Variants in MACROD2 observed in about 807,000 individuals in gnomAD.
The protein encoded by MACROD2 is ADP-ribose glycohydrolase MACROD2.
MACROD2 carries 36 observed loss-of-function variants against 70.4 expected under a neutral mutation model. The observed-to-expected ratio is 0.51, with a 90% CI of 0.39 to 0.68. MACROD2 has a LOEUF of 0.68. Among genes scored for constraint, MACROD2 ranks in the 30% least tolerant of loss-of-function variants. The pLI is 0.00. For missense variants in MACROD2, 496 were observed against 538.4 expected, an observed-to-expected ratio of 0.92 and a Z score of 0.78; for synonymous variants, 172 against 178.8, an observed-to-expected ratio of 0.96 and a Z score of 0.30.
At chr20:14,373,690 A>G (rs993910558) in intron 3 of MACROD2, among the ~76,000 whole-genome samples, 1 of 152,240 alleles carries the variant, frequency 6.6e-6, no homozygotes, top group Admixed American at 6.6e-5. Flanking sequence ...GCATCATTAG[A>G]AAATCTTGAA....
chr20:14,307,395 AT>A (rs1360832465), intron 3 of MACROD2, among the ~76,000 whole-genome samples: 3 of 151,858 alleles, frequency 2.0e-5, no homozygotes, highest in African/African-American at 4.8e-5. Flanking sequence ...AACTTTTGAA[AT>A]TTTTTTTACT....
intron 17 of MACROD2, among the ~76,000 whole-genome samples, chr20:16,048,565 G>T (rs530461634): frequency 6.6e-6 from 1 of 152,068 alleles, no homozygotes; most frequent in South Asian, 2.1e-4. Context: ...ACTTAATTTG[G>T]ACTGAGATTA....
intron 13 of MACROD2, among the ~76,000 whole-genome samples, chr20:15,970,576 G>A (rs1222301108): frequency 7.9e-5 from 12 of 152,116 alleles, no homozygotes; most frequent in African/African-American, 2.9e-4. Context: ...CTGTGGTACA[G>A]AGAGGAGGAA....
chr20:15,796,111 G>A (rs1360781727), intron 8 of MACROD2, among the ~76,000 whole-genome samples: 6 of 152,196 alleles, frequency 3.9e-5, no homozygotes, highest in Admixed American at 3.9e-4. Flanking sequence ...AGCAATTTGG[G>A]ATAGCAGAAA....
intron 3 of MACROD2, among the ~76,000 whole-genome samples, chr20:14,383,196 T>A (rs1215893578): frequency 6.6e-6 from 1 of 152,200 alleles, no homozygotes; most frequent in East Asian, 1.9e-4. Context: ...GGGACCACCA[T>A]GGAAGTCCAC....
At chr20:15,584,164 T>C (rs1001692384) in intron 8 of MACROD2, among the ~76,000 whole-genome samples, 4 of 152,248 alleles carry the variant, frequency 2.6e-5, no homozygotes, top group Admixed American at 1.3e-4. Context: ...GGGATATTTG[T>C]TAAAAATGCA....
At chr20:14,953,602 G>T (rs2074493578) in intron 5 of MACROD2, among the ~76,000 whole-genome samples, 1 of 152,146 alleles carries the variant, frequency 6.6e-6, no homozygotes, top group Non-Finnish European at 1.5e-5. Flanking sequence ...ACCGTGCCCG[G>T]CCTCATTGTT....
chr20:15,370,219 A>G (rs1393899258), intron 6 of MACROD2, among the ~76,000 whole-genome samples: 3 of 152,130 alleles, frequency 2.0e-5, no homozygotes, highest in African/African-American at 7.2e-5. Flanking sequence ...AATTTTGTTC[A>G]TCCTTCACTA....
chr20:14,423,164 C>T (rs1326074548), intron 3 of MACROD2, among the ~76,000 whole-genome samples: 5 of 152,120 alleles, frequency 3.3e-5, no homozygotes, highest in Non-Finnish European at 7.4e-5. Context: ...TCTGGTTTCC[C>T]GACCAAGACC....
intron 8 of MACROD2, among the ~76,000 whole-genome samples, chr20:15,857,284 C>A (rs1231841380): frequency 6.6e-6 from 1 of 152,054 alleles, no homozygotes; most frequent in African/African-American, 2.4e-5. Flanking sequence ...GTCAGCAGGG[C>A]AGATGATAAA....
chr20:15,297,752 A>T (rs781494395), intron 6 of MACROD2, among the ~76,000 whole-genome samples: 9 of 152,174 alleles, frequency 5.9e-5, no homozygotes, highest in Non-Finnish European at 1.2e-4. Context: ...TATGACTTTG[A>T]CTTCGTCAGA....
chr20:14,533,426 A>T (rs529131219), intron 4 of MACROD2, among the ~76,000 whole-genome samples: 1 of 152,330 alleles, frequency 6.6e-6, no homozygotes, highest in East Asian at 1.9e-4. Context: ...ATGACTTATG[A>T]TTATACATTT....
intron 5 of MACROD2, among the ~76,000 whole-genome samples, chr20:14,759,648 AT>A (rs1568779991): frequency 6.6e-6 from 1 of 152,154 alleles, no homozygotes; most frequent in African/African-American, 2.4e-5. Flanking sequence ...ATTATTTTAC[AT>A]CTTAAAATAG....
chr20:15,317,702 C>G (rs6131661), intron 6 of MACROD2, among the ~76,000 whole-genome samples: 62,823 of 151,314 alleles, frequency 0.42, 13,587 homozygotes, highest in African/African-American at 0.55. Context: ...CAGTTTGAGT[C>G]TAAAGGCAGA....
chr20:14,800,874 C>T (rs1273632174), intron 5 of MACROD2, among the ~76,000 whole-genome samples: 1 of 150,932 alleles, frequency 6.6e-6, no homozygotes, highest in African/African-American at 2.4e-5. Context: ...TTTGATTTGA[C>T]ACAGCTTGGA....
intron 8 of MACROD2, among the ~76,000 whole-genome samples, chr20:15,575,524 G>T (rs976240343): frequency 1.3e-5 from 2 of 152,300 alleles, no homozygotes; most frequent in Middle Eastern, 6.8e-3. Flanking sequence ...GCAGAAAGGA[G>T]AAATGATGGA....
At chr20:15,951,030 C>G (rs2065896432) in intron 12 of MACROD2, among the ~76,000 whole-genome samples, 1 of 152,180 alleles carries the variant, frequency 6.6e-6, no homozygotes, top group Admixed American at 6.5e-5. Context: ...CTCAAGAACG[C>G]AGTTTAAAGT....
rs1275435732 is a variant in MACROD2 at position 14,326,747 on chromosome 20, G to C, written c.272-166732G>C. 1 of 1,613,714 alleles carries C rather than the reference G, an allele frequency of 6.2e-7. No individual in the cohort carries two copies. Among genetic ancestry groups the C allele is most frequent in the Non-Finnish European group, 8.5e-7 (1 of 1,179,844 alleles). On this transcript the variant is annotated intron_variant, in intron 3 of 17. Coordinates refer to ENST00000684519, the MANE Select transcript of MACROD2 (RefSeq NM_001351661.2). This position sits in a 1 kb window ranked among gnomAD's most constrained non-coding sequence, Gnocchi z 5.5. The stretch of plus-strand genomic sequence containing the variant: ...ACCCGATTGATGTGGTTATCTTGAA[G>C]ATAAAGCTTCCTCAGGTTTGTGCCT...
chr20:14,283,021 T>C (rs6033933), intron 3 of MACROD2, among the ~76,000 whole-genome samples: 105,246 of 151,998 alleles, frequency 0.69, 37,039 homozygotes, highest in Non-Finnish European at 0.75. Context: ...AACTGTAGGG[T>C]CAGCCCATAT....
Sources: allele counts gnomAD v4.1 joint callset (sites outside exome capture counted in the v4.1 genomes callset), GRCh38; gene constraint gnomAD v4.1.1; non-coding constraint Gnocchi (gnomAD v3.1); transcripts MANE v1.5; gene names NCBI Gene and HGNC (gene_info 2026-07-23, HGNC 2026-07-21).